DISC1: variants seen among roughly 807,000 people sequenced by gnomAD.
The protein encoded by DISC1 is disrupted in schizophrenia 1 protein.
DISC1 carries 57 observed loss-of-function variants against 84.5 expected under a neutral mutation model. The ratio of observed to expected loss-of-function variants is 0.67; its 90% CI spans 0.55 to 0.84. The LOEUF (loss-of-function observed/expected upper bound fraction) is 0.84, where lower values mean the gene tolerates loss of function less well. Among genes scored for constraint, DISC1 ranks in the 40% least tolerant of loss-of-function variants. The pLI is 0.00. For missense variants in DISC1, 1,000 were observed against 1,057.8 expected (o/e 0.95, Z 0.76); for synonymous variants, 411 against 415.2 (o/e 0.99, Z 0.12).
chr1:231,915,993 G>T (rs2089594896), intron 9 of DISC1, among the ~76,000 whole-genome samples: 2 of 152,186 alleles, frequency 1.3e-5, no homozygotes, highest in Non-Finnish European at 1.5e-5. Context: ...CTTGCAGGGG[G>T]TGGATTATAC....
intron 10 of DISC1, among the ~76,000 whole-genome samples, chr1:231,995,125 A>T (rs1356302974): frequency 2.0e-5 from 3 of 152,208 alleles, no homozygotes; most frequent in Non-Finnish European, 4.4e-5. Flanking sequence ...AGACAAAGGA[A>T]TAAAATTTAA....
At chr1:231,973,242 T>C (rs1208208755) in intron 10 of DISC1, among the ~76,000 whole-genome samples, 11 of 152,158 alleles carry the variant, frequency 7.2e-5, no homozygotes, top group Admixed American at 3.9e-4. Context: ...GAGATGGGGT[T>C]TCACCATATT....
At chr1:231,668,027 G>A (rs1182980307) in intron 1 of DISC1, among the ~76,000 whole-genome samples, 1 of 150,396 alleles carries the variant, frequency 6.6e-6, no homozygotes, top group Non-Finnish European at 1.5e-5. Context: ...TTGCACTCCA[G>A]CCTGGGTGAC....
intron 3 of DISC1, among the ~76,000 whole-genome samples, chr1:231,711,086 A>C (rs1038640564): frequency 2.0e-5 from 3 of 152,122 alleles, no homozygotes. Context: ...AAGTGAACTT[A>C]GCTGTTTTTC....
At chr1:231,874,244 G>A (rs2085689210) in intron 9 of DISC1, among the ~76,000 whole-genome samples, 1 of 151,134 alleles carries the variant, frequency 6.6e-6, no homozygotes, top group African/African-American at 2.4e-5. Context: ...TGAAACCTCT[G>A]CCTCCTGGGT....
Position 231,694,588 on chromosome 1 carries a change from T to G in DISC1, c.830T>G (p.Leu277Trp), listed in dbSNP as rs766759086. The change falls in exon 2 of 13, where the codon TTG (leucine) becomes TGG (tryptophan). Residue 277 changes from leucine (L) to tryptophan (W), a missense_variant. Around this residue, in one of 3 missense-constraint regions of DISC1, gnomAD observed 311 missense variants for 400.1 expected, o/e 0.78. Coordinates refer to ENST00000439617, the MANE Select transcript of DISC1 (RefSeq NM_018662.3). Reference sequence around the variant, plus strand: ...TTGGCTACACGGGTCTCTGCAGACTTGGCCCAGGCCGCAAGGAACAGCTCC... The same window carrying G: ...TTGGCTACACGGGTCTCTGCAGACTGGGCCCAGGCCGCAAGGAACAGCTCC... Reference protein sequence around the residue: ...SLLATRVSADLAQAARNSSRP... With the variant: ...SLLATRVSADWAQAARNSSRP... 3 of 1,614,258 alleles carry G rather than the reference T, an allele frequency of 1.9e-6. No individual in the cohort carries two copies. The highest frequency in any genetic ancestry group is 4.5e-5 in the East Asian group (2 of 44,882).
intron 1 of DISC1, among the ~76,000 whole-genome samples, chr1:231,663,958 G>A (rs898974612): frequency 6.6e-6 from 1 of 152,058 alleles, no homozygotes; most frequent in Non-Finnish European, 1.5e-5. Flanking sequence ...TATTAAGTTG[G>A]ACAGATATGG....
intron 10 of DISC1, among the ~76,000 whole-genome samples, chr1:231,983,506 G>A (rs1663913115): frequency 8.8e-6 from 1 of 114,004 alleles, no homozygotes; most frequent in African/African-American, 3.4e-5. Flanking sequence ...GGAGCTGGCT[G>A]AGAACACACT....
In DISC1 at chr1:232,032,557, A is replaced by G. The variant is rs1297077782; in HGVS notation, c.2426-4135A>G. ...CCAAAGGTGTTTTAAAGATGTTAGG[A>G]TGTTCATCCCTGCGACGTTGTTATA... On this transcript the variant is annotated intron_variant, in intron 12 of 12. Transcript: ENST00000439617. Among the ~76,000 whole-genome samples the G allele has an allele frequency of 3.3e-5, 5 of 152,126 alleles. No individual in the cohort carries two copies. The East Asian group carries it at 9.7e-4, about 29-fold the overall frequency.
intron 10 of DISC1, among the ~76,000 whole-genome samples, chr1:231,970,175 ACT>A: frequency 6.6e-6 from 1 of 152,340 alleles, no homozygotes; most frequent in East Asian, 1.9e-4. Context: ...GAATTGCCAC[ACT>A]GTCTTCCACA....
chr1:231,768,522 A>T (rs954807216), intron 5 of DISC1, among the ~76,000 whole-genome samples: 1 of 151,734 alleles, frequency 6.6e-6, no homozygotes, highest in Non-Finnish European at 1.5e-5. Context: ...AACATTTGCC[A>T]ATTAAAGGTC....
intron 4 of DISC1, among the ~76,000 whole-genome samples, chr1:231,763,239 C>A (rs2075911943): frequency 6.6e-6 from 1 of 152,160 alleles, no homozygotes; most frequent in Admixed American, 6.5e-5. Flanking sequence ...ATGGGCTAGA[C>A]CCTGACCCAC....
At chr1:231,823,764 G>A (rs959747965) in intron 9 of DISC1, among the ~76,000 whole-genome samples, 26 of 152,152 alleles carry the variant, frequency 1.7e-4, no homozygotes, top group Admixed American at 7.9e-4. Context: ...CATGTTATCC[G>A]ATGGTTGTGA....
Position 231,630,643 on chromosome 1 carries a change from TA to T in DISC1, c.67+3711del, listed in dbSNP as rs2058640347. Among the ~76,000 whole-genome samples, 1 of 152,182 alleles carries T rather than the reference TA, an allele frequency of 6.6e-6. No individual in the cohort carries two copies. Among genetic ancestry groups the T allele is most frequent in the African/African-American group, 2.4e-5 (1 of 41,430 alleles). Reference sequence around the variant, plus strand: ...TTTCAGTCAGCACCGTTTAGTAATATAAGACTTTTAGCCTCGAGGAGTCTTC... The same window carrying T: ...TTTCAGTCAGCACCGTTTAGTAATATAGACTTTTAGCCTCGAGGAGTCTTC... On this transcript the variant is annotated intron_variant, in intron 1 of 12. Coordinates refer to ENST00000439617, the MANE Select transcript of DISC1 (RefSeq NM_018662.3). This position sits in a 1 kb window ranked among gnomAD's most constrained non-coding sequence, Gnocchi z 4.4.
chr1:231,867,877 G>T (rs1033326876), intron 9 of DISC1, among the ~76,000 whole-genome samples: 2 of 152,222 alleles, frequency 1.3e-5, no homozygotes, highest in South Asian at 4.1e-4. Context: ...CATCAGCTTG[G>T]TTAAGACTAT....
intron 9 of DISC1, among the ~76,000 whole-genome samples, chr1:231,867,569 C>A (rs952439168): frequency 6.6e-6 from 1 of 152,126 alleles, no homozygotes; most frequent in Non-Finnish European, 1.5e-5. Context: ...TGCTAGTAAA[C>A]CCTCCTGAGT....
At chr1:231,720,381 C>A (rs2069484089) in intron 3 of DISC1, among the ~76,000 whole-genome samples, 1 of 152,036 alleles carries the variant, frequency 6.6e-6, no homozygotes, top group African/African-American at 2.4e-5. Context: ...GCTTTGTTGT[C>A]CAGCTGGGGT....
chr1:231,690,313 A>G (rs1027177046), intron 1 of DISC1, among the ~76,000 whole-genome samples: 1 of 152,212 alleles, frequency 6.6e-6, no homozygotes, highest in South Asian at 2.1e-4. Context: ...AGCAGCAGAG[A>G]AAGCTGCGCC....
chr1:231,750,247 C>A, intron 4 of DISC1, 171 bp downstream of exon 4: 1 of 1,419,824 alleles, frequency 7.0e-7, no homozygotes, highest in Non-Finnish European at 9.2e-7. Context: ...GAGAGATGGC[C>A]CATGTGGGTC....
Sources: gnomAD v4.1 joint callset for allele counts (sites outside exome capture counted in the v4.1 genomes callset) on GRCh38, gnomAD v4.1.1 for gene constraint, gnomAD v4.1.1 regional missense constraint, Gnocchi (gnomAD v3.1) non-coding constraint, MANE v1.5 for transcripts, NCBI Gene and HGNC (gene_info 2026-07-23, HGNC 2026-07-21) for gene names.